The following VSX2 variants were observed in gnomAD, a reference collection of about 807,000 sequenced individuals.
The protein encoded by VSX2 is ceh-10 homeo domain containing homolog.
In VSX2, 28 loss-of-function variants were observed where a neutral mutation model predicts 32.1. The ratio of observed to expected loss-of-function variants is 0.87; its 90% confidence interval spans 0.65 to 1.20. The LOEUF is 1.20. Ranked by LOEUF, VSX2 falls within the 50% of genes most tolerant of loss-of-function variation. The probability of loss-of-function intolerance (pLI) is 0.00; values close to 1 mark genes in which losing one functional copy is unlikely to be tolerated. For missense variants in VSX2, 506 were observed against 488.7 expected, an observed-to-expected ratio of 1.04 and a Z score of -0.33; for synonymous variants, 243 against 214.1, an observed-to-expected ratio of 1.14 and a Z score of -1.18.
chr14:74,252,892 T>C (rs776225633), intron 3 of VSX2, among the ~76,000 whole-genome samples: 1 of 151,412 alleles, frequency 6.6e-6, no homozygotes, highest in Non-Finnish European at 1.5e-5. Context: ...CTACTAAAAA[T>C]ACAAAAATAA....
intron 3 of VSX2, among the ~76,000 whole-genome samples, chr14:74,258,216 C>T (rs1243405587): frequency 2.0e-5 from 3 of 152,222 alleles, no homozygotes; most frequent in African/African-American, 7.2e-5. Context: ...CCGCGGCTCC[C>T]GGGAGAGCAG....
Position 74,239,759 on chromosome 14 carries a change from A to T in VSX2, c.198A>T (p.Ser66=), listed in dbSNP as rs1451013793. Residue 66 remains serine (S), a synonymous_variant, in exon 1 of 5, where the codon TCA becomes TCT. Coordinates refer to ENST00000261980, the MANE Select transcript of VSX2 (RefSeq NM_182894.3). ...LAPGHLLAAR[S]VLSPAGVGGM... ...CCGGGCACTTGCTGGCGGCGCGCTC[A>T]GTGCTCAGCCCCGCGGGGGTGGGCG... 1.3e-6 allele frequency: 2 copies of T among 1,552,490 alleles called. No individual in the cohort carries two copies. The highest frequency in any genetic ancestry group is 1.7e-6 in the Non-Finnish European group (2 of 1,148,730).
At chr14:74,257,722 T>A (rs1357327194) in intron 3 of VSX2, among the ~76,000 whole-genome samples, 8 of 74,144 alleles carry the variant, frequency 1.1e-4, no homozygotes, top group African/African-American at 3.7e-4. Context: ...CCCCACCCAC[T>A]TCCCCCGAGC....
intron 2 of VSX2, among the ~76,000 whole-genome samples, chr14:74,242,170 T>C (rs1860713): frequency 6.6e-6 from 1 of 151,530 alleles, no homozygotes; most frequent in Non-Finnish European, 1.5e-5. Flanking sequence ...CTGCCTGCCT[T>C]TCTGCGGGTG....
In VSX2 at chr14:74,239,656, T is replaced by C; in HGVS notation, c.95T>C (p.Phe32Ser). The C allele has an allele frequency of 6.4e-7, 1 of 1,550,570 alleles. No homozygotes were observed. The highest frequency in any genetic ancestry group is 2.4e-5 in the East Asian group (1 of 40,876). ...GGCGCCCCGGCCAGGTGCACTGGGT[T>C]CGGCATCCAGGAGATCCTGGGCTTG... The part of the protein sequence containing the change: ...SGGAPARCTG[F>S]GIQEILGLNK... Residue 32 changes from phenylalanine to serine, a missense_variant, in exon 1 of 5, where the codon TTC (phenylalanine) becomes TCC (serine). Physicochemically the swap from Phe to Ser is radical, Grantham distance 155. Transcript: ENST00000261980.
intron 3 of VSX2, among the ~76,000 whole-genome samples, chr14:74,248,765 C>T (rs150002930): frequency 1.3e-3 from 191 of 151,954 alleles, no homozygotes; most frequent in Middle Eastern, 3.4e-3. Context: ...AACTGGAGAT[C>T]AGGAACCCGG....
Position 74,261,864 on chromosome 14 carries a change from C to T in VSX2, c.*945C>T, listed in dbSNP as rs2079310166. 1 of 152,336 alleles carries T rather than the reference C, an allele frequency of 6.6e-6. No individual in the cohort carries two copies. The highest frequency in any genetic ancestry group is 1.5e-5 in the Non-Finnish European group (1 of 68,178). The allele number at this position is 152,336 out of a possible 1,614,324, so 9.4% of individuals were successfully genotyped here. On this transcript the variant is annotated 3_prime_UTR_variant, in exon 5 of 5. Coordinates refer to ENST00000261980, the MANE Select transcript of VSX2 (RefSeq NM_182894.3). ...GCCATGAAGGCACCTGCCCCCACAG[C>T]TCCTTGCAAACTATGAGTTCACATG...
Position 74,260,626 on chromosome 14 carries a change from G to A in VSX2, c.793G>A (p.Glu265Lys), listed in dbSNP as rs775016647. ...CAAAAAGTCGCTGGAGGCAGCAGCCGAGTCGGGGAGGAAGCCCGAGGGGGA... is the reference window on the plus strand; with the variant it reads ...CAAAAAGTCGCTGGAGGCAGCAGCCAAGTCGGGGAGGAAGCCCGAGGGGGA... The part of the protein sequence containing the change: ...MHKKSLEAAA[E>K]SGRKPEGERQ... Residue 265 changes from glutamate to lysine, a missense_variant, in exon 5 of 5, where the codon GAG becomes AAG. Glu to Lys is a moderately conservative substitution (Grantham distance 56, BLOSUM62 1). Coordinates refer to ENST00000261980, the MANE Select transcript of VSX2 (RefSeq NM_182894.3). 13 of 1,606,820 alleles carry A rather than the reference G, an allele frequency of 8.1e-6. No individual in the cohort carries two copies. Among genetic ancestry groups the A allele is most frequent in the East Asian group, 4.5e-5 (2 of 44,608 alleles).
rs1346644522 is a variant in VSX2, at chr14:74,244,979, TGTGAGAGAGAGA to T, written c.456-184_456-173del. Among the ~76,000 whole-genome samples, 5 of 39,100 alleles carry T rather than the reference TGTGAGAGAGAGA, an allele frequency of 1.3e-4. 1 individual carries two copies. Among genetic ancestry groups the T allele is most frequent in the African/African-American group, 4.0e-4 (4 of 9,942 alleles). The allele number at this position is 39,100 out of a possible 152,430, so 25.7% of individuals were successfully genotyped here. ...GTGTGTGTGTGTGTGTGTGTGTGTG[TGTGAGAGAGAGA>T]GAGAGAGAGAGAGAGACAGAGAGAG... On this transcript the variant is annotated intron_variant, in intron 2 of 4. Transcript: ENST00000261980.
Position 74,259,792 on chromosome 14 carries a change from C to G in VSX2, c.760+10C>G. 1 of 1,546,122 alleles carries G rather than the reference C, an allele frequency of 6.5e-7. No homozygotes were observed. The highest frequency in any genetic ancestry group is 8.7e-7 in the Non-Finnish European group (1 of 1,154,434). On this transcript the variant is annotated intron_variant, in intron 4 of 4. Transcript: ENST00000261980. ...GCCCCGTGGCTACTGGGTAAGAGCC[C>G]GCACCCTCCTTGGGGTCCTGCCCTG...
intron 3 of VSX2, among the ~76,000 whole-genome samples, chr14:74,248,979 G>A (rs571972530): frequency 2.6e-5 from 4 of 152,272 alleles, no homozygotes; most frequent in Admixed American, 2.0e-4. Flanking sequence ...CAGATGGACC[G>A]CTGGAGCATA....
In VSX2 at chr14:74,239,932, G is replaced by C. The variant is rs2079138224; in HGVS notation, c.370+1G>C. On this transcript the variant is annotated splice_donor_variant, in intron 1 of 4. Coordinates refer to ENST00000261980, the MANE Select transcript of VSX2 (RefSeq NM_182894.3). LOFTEE classifies it high-confidence loss of function. ...GACACCAGCCAGACGGCCAGCTCGG[G>C]TAGGTGAGGAGAGGTTGCGCTGCTG... 2 of 1,562,238 alleles carry C rather than the reference G, an allele frequency of 1.3e-6. No individual in the cohort carries two copies. Among genetic ancestry groups the C allele is most frequent in the Non-Finnish European group, 1.7e-6 (2 of 1,154,378 alleles).
rs1398648530 is a variant in VSX2, at chr14:74,260,613, G to A, written c.780G>A (p.Leu260=). ...TTCTAGGGATGCACAAAAAGTCGCT[G>A]GAGGCAGCAGCCGAGTCGGGGAGGA... is the stretch of plus-strand genomic sequence containing the variant. ...PWLLGMHKKS[L]EAAAESGRKP... is the part of the protein sequence containing the mutation. Residue 260 remains leucine, a synonymous_variant, in exon 5 of 5, where the codon CTG becomes CTA. Transcript: ENST00000261980. 1 of 1,604,744 alleles carries A rather than the reference G, an allele frequency of 6.2e-7. No homozygotes were observed. Among genetic ancestry groups the A allele is most frequent in the East Asian group, 2.2e-5 (1 of 44,532 alleles).
chr14:74,245,305 C>G lies in VSX2; in HGVS notation c.579+17C>G, dbSNP rs539178171. The G allele has an allele frequency of 6.8e-6, 11 of 1,613,104 alleles. No individual in the cohort carries two copies. In the African/African-American group the frequency reaches 1.5e-4, roughly 22 times the overall value. ...AGGATACAGGTAACAGCCCTGAGCC[C>G]CTCTCCCCTCCACTCTCCCCTCTCT... On this transcript the variant is annotated intron_variant, in intron 3 of 4. Coordinates refer to ENST00000261980, the MANE Select transcript of VSX2 (RefSeq NM_182894.3).
Position 74,260,699 on chromosome 14 carries a change from G to GC in VSX2, c.870dup (p.Asp291ArgfsTer55). The GC allele has an allele frequency of 6.3e-7, 1 of 1,594,918 alleles. No homozygotes were observed. Among genetic ancestry groups the GC allele is most frequent in the African/African-American group, 1.3e-5 (1 of 74,834 alleles). On this transcript the variant is annotated frameshift_variant, in exon 5 of 5. Coordinates refer to ENST00000261980, the MANE Select transcript of VSX2 (RefSeq NM_182894.3). LOFTEE classifies it high-confidence loss of function. ...GACAAGATGGAGCAGGACGAGCGGG[G>GC]CCCCGACGCTCAGGCGGCCATCTCC...
In VSX2 at chr14:74,259,759, A is replaced by G. The variant is rs776164047; in HGVS notation, c.737A>G (p.Asp246Gly). ...ILKSAKDGIM[D>G]SCAPWLLGMH... ...AAGTCAGCCAAGGATGGCATCATGG[A>G]CTCCTGTGCCCCGTGGCTACTGGGT... is the stretch of plus-strand genomic sequence containing the variant. Residue 246 changes from aspartate to glycine, a missense_variant, in exon 4 of 5, where the codon GAC becomes GGC. Asp to Gly is a moderately conservative substitution (Grantham distance 94). Transcript: ENST00000261980. The G allele has an allele frequency of 1.9e-6, 3 of 1,613,246 alleles. No individual in the cohort carries two copies. The highest frequency in any genetic ancestry group is 3.3e-5 in the Admixed American group (2 of 59,966).
rs374813517 is a variant in VSX2, at chr14:74,245,008, CAGAGAGAG to C, written c.456-143_456-136del. Among the ~76,000 whole-genome samples, 730 of 86,834 alleles carry C rather than the reference CAGAGAGAG, an allele frequency of 8.4e-3. 21 individuals are homozygous for C. The highest frequency in any genetic ancestry group is 0.038 in the African/African-American group (680 of 17,932). 57.0% of individuals were successfully genotyped at this position (86,834 alleles called of 152,430 possible). The stretch of plus-strand genomic sequence containing the variant: ...AGAGAGAGAGAGAGAGAGAGAGAGA[CAGAGAGAG>C]AGAGAGAGAGAGAATTTGTGTCCTA... On this transcript the variant is annotated intron_variant, in intron 2 of 4. Coordinates refer to ENST00000261980, the MANE Select transcript of VSX2 (RefSeq NM_182894.3).
At chr14:74,248,277 G>C (rs2079205372) in intron 3 of VSX2, among the ~76,000 whole-genome samples, 1 of 142,578 alleles carries the variant, frequency 7.0e-6, no homozygotes, top group Non-Finnish European at 1.5e-5. Context: ...TGTAATCCTA[G>C]CACTTTGGGA....
In VSX2 at chr14:74,239,809, G is replaced by A. The variant is rs777492849; in HGVS notation, c.248G>A (p.Gly83Glu). 6.4e-7 allele frequency: 1 copy of A among 1,570,888 alleles called. No homozygotes were observed. The highest frequency in any genetic ancestry group is 1.3e-5 in the African/African-American group (1 of 74,402). ...GGCATGGGGCTTCTGGGGCCCGGGGGGCTCCCTGGCTTCTACACGCAGCCC... is the reference window on the plus strand; with the variant it reads ...GGCATGGGGCTTCTGGGGCCCGGGGAGCTCCCTGGCTTCTACACGCAGCCC... ...VGGMGLLGPGGLPGFYTQPTF... is the reference protein window; with the variant it reads ...VGGMGLLGPGELPGFYTQPTF... Residue 83 changes from glycine to glutamate, a missense_variant, in exon 1 of 5, where the codon GGG becomes GAG. By Grantham distance (98) the Gly-to-Glu change is moderately conservative. Transcript: ENST00000261980.
Sources: gnomAD v4.1 joint callset for allele counts (sites outside exome capture counted in the v4.1 genomes callset) on GRCh38, gnomAD v4.1.1 for gene constraint, MANE v1.5 for transcripts, NCBI Gene and HGNC (gene_info 2026-07-23, HGNC 2026-07-21) for gene names.